The following CTNND2 variants were observed in gnomAD, a reference collection of about 807,000 sequenced individuals.
The protein encoded by CTNND2 is catenin delta 2.
CTNND2 carries 22 observed loss-of-function variants against 144.4 expected under a neutral mutation model. The ratio of observed to expected loss-of-function variants is 0.15; its 90% confidence interval spans 0.11 to 0.22. The LOEUF is 0.22. CTNND2 is among the 10% of genes least tolerant of loss of function. The pLI is 1.00. For missense variants in CTNND2, 1,353 were observed against 1,618.8 expected, an observed-to-expected ratio of 0.84 and a Z score of 2.82; for synonymous variants, 751 against 695.6, an observed-to-expected ratio of 1.08 and a Z score of -1.25.
chr5:11,274,149 A>C (rs748974711), intron 9 of CTNND2, among the ~76,000 whole-genome samples: 40 of 152,144 alleles, frequency 2.6e-4, no homozygotes, highest in Non-Finnish European at 5.6e-4. Flanking sequence ...TCTCATTCTA[A>C]CTAGGGGCTG....
chr5:11,711,479 T>C (rs1253748026), intron 2 of CTNND2, among the ~76,000 whole-genome samples: 1 of 152,198 alleles, frequency 6.6e-6, no homozygotes, highest in Non-Finnish European at 1.5e-5. Flanking sequence ...GGTTTCACTA[T>C]TGTCTTTTAT....
At chr5:11,739,712 G>T (rs1384105398) in intron 1 of CTNND2, among the ~76,000 whole-genome samples, 1 of 152,142 alleles carries the variant, frequency 6.6e-6, no homozygotes. Flanking sequence ...GCAGGAGAAA[G>T]AAATAACGGG....
intron 18 of CTNND2, among the ~76,000 whole-genome samples, chr5:10,993,643 G>T (rs1738958509): frequency 6.6e-6 from 1 of 151,968 alleles, no homozygotes; most frequent in South Asian, 2.1e-4. Context: ...GGGGCTCAAT[G>T]CTTTGTTCTC....
At chr5:11,767,623 T>A (rs1314980901) in intron 1 of CTNND2, among the ~76,000 whole-genome samples, 3 of 152,174 alleles carry the variant, frequency 2.0e-5, no homozygotes, top group Non-Finnish European at 4.4e-5. Flanking sequence ...CCCTCCTTCA[T>A]CATATTGAAA....
intron 8 of CTNND2, among the ~76,000 whole-genome samples, chr5:11,347,364 A>G (rs1754909370): frequency 1.3e-5 from 2 of 152,262 alleles, no homozygotes; most frequent in South Asian, 2.1e-4. Context: ...AAGTATTTGC[A>G]TCTTCTCAAT....
intron 3 of CTNND2, among the ~76,000 whole-genome samples, chr5:11,453,086 C>T (rs1024970280): frequency 6.6e-6 from 1 of 152,178 alleles, no homozygotes; most frequent in Non-Finnish European, 1.5e-5. Flanking sequence ...TAATGTGACT[C>T]ACCAAAGACC....
At chr5:11,518,367 G>A (rs748048389) in intron 3 of CTNND2, among the ~76,000 whole-genome samples, 1 of 152,104 alleles carries the variant, frequency 6.6e-6, no homozygotes, top group African/African-American at 2.4e-5. Flanking sequence ...TTAGAAAAGA[G>A]TCAAAAAGTG....
chr5:11,795,197 G>A (rs1482669204), intron 1 of CTNND2, among the ~76,000 whole-genome samples: 1 of 152,104 alleles, frequency 6.6e-6, no homozygotes, highest in Non-Finnish European at 1.5e-5. Flanking sequence ...CTGCCCACAG[G>A]GTGCGGCAGT....
chr5:11,842,916 G>A (rs1428406329), intron 1 of CTNND2, among the ~76,000 whole-genome samples: 2 of 152,022 alleles, frequency 1.3e-5, no homozygotes, highest in Admixed American at 6.6e-5. Context: ...TGGCAATGCC[G>A]CTTTAGAGAC....
intron 1 of CTNND2, among the ~76,000 whole-genome samples, chr5:11,760,970 GGT>G (rs1401141209): frequency 4.6e-5 from 7 of 151,936 alleles, no homozygotes; most frequent in African/African-American, 1.7e-4. Flanking sequence ...TTGTTTAGTT[GGT>G]CTTTTCATTG....
intron 10 of CTNND2, among the ~76,000 whole-genome samples, chr5:11,212,592 C>T (rs1738750470): frequency 6.6e-6 from 1 of 152,178 alleles, no homozygotes; most frequent in African/African-American, 2.4e-5. Flanking sequence ...GACTTGGAGA[C>T]TTTACGAAGT....
At chr5:11,420,281 C>T (rs1405665262) in intron 3 of CTNND2, among the ~76,000 whole-genome samples, 1 of 152,202 alleles carries the variant, frequency 6.6e-6, no homozygotes, top group Non-Finnish European at 1.5e-5. Context: ...CGAGATGGCA[C>T]CACTGCATTC....
chr5:11,743,783 A>C (rs148416257), intron 1 of CTNND2, among the ~76,000 whole-genome samples: 1 of 152,210 alleles, frequency 6.6e-6, no homozygotes, highest in Non-Finnish European at 1.5e-5. Context: ...CATGTGTCAA[A>C]CACAAGGGGA....
intron 1 of CTNND2, among the ~76,000 whole-genome samples, chr5:11,833,412 G>A (rs996499315): frequency 3.9e-5 from 6 of 152,038 alleles, no homozygotes; most frequent in Admixed American, 6.6e-5. Context: ...TATGACATTC[G>A]GAAAAAGGCA....
chr5:11,123,560 A>G (rs1278897808), intron 12 of CTNND2, among the ~76,000 whole-genome samples: 1 of 152,182 alleles, frequency 6.6e-6, no homozygotes, highest in Non-Finnish European at 1.5e-5. Flanking sequence ...CTCCATGAGG[A>G]TCTAATCTAC....
In CTNND2 at chr5:11,076,842, T is replaced by TC. The variant is rs550312531; in HGVS notation, c.2788+5853dup. ...CTTAGCTGCAATTGTGGAGTCTGCT[T>TC]CCCCCAACCTCTCATTAAAAGAATG... On this transcript the variant is annotated intron_variant, in intron 16 of 21. Transcript: ENST00000304623. Among the ~76,000 whole-genome samples the TC allele has an allele frequency of 5.3e-3, 814 of 152,176 alleles. 6 individuals are homozygous for TC. Among genetic ancestry groups the TC allele is most frequent in the African/African-American group, 0.015 (614 of 41,524 alleles).
Position 11,435,631 on chromosome 5 carries a change from C to T in CTNND2, c.288-23562G>A, listed in dbSNP as rs31820. ...GCAGCTGATTTGGCCCTCTGGCTGT[C>T]GCTGGCCAACTCCTATTCTATTTGA... On this transcript the variant is annotated intron_variant, in intron 3 of 21. Transcript: ENST00000304623. Among the ~76,000 whole-genome samples the T allele has an allele frequency of 4.6e-5, 7 of 152,146 alleles. No homozygotes were observed. The East Asian group carries it at 7.7e-4, about 17-fold the overall frequency.
intron 10 of CTNND2, among the ~76,000 whole-genome samples, chr5:11,204,490 G>A (rs549658891): frequency 6.6e-6 from 1 of 152,144 alleles, no homozygotes; most frequent in African/African-American, 2.4e-5. Flanking sequence ...TTTCAAATCA[G>A]AAAACAAATG....
chr5:11,652,779 A>G (rs1360716406), intron 2 of CTNND2, among the ~76,000 whole-genome samples: 1 of 152,190 alleles, frequency 6.6e-6, no homozygotes, highest in Middle Eastern at 3.2e-3. Context: ...TCAAATATAC[A>G]TTATTAACTA....
Sources: gnomAD v4.1 joint callset for allele counts (sites outside exome capture counted in the v4.1 genomes callset) on GRCh38, gnomAD v4.1.1 for gene constraint, MANE v1.5 for transcripts, NCBI Gene and HGNC (gene_info 2026-07-23, HGNC 2026-07-21) for gene names.